ROR2: variants seen among roughly 807,000 people sequenced by gnomAD.
ROR2 encodes the protein ROR family WNT receptor 2, also known as tyrosine-protein kinase transmembrane receptor ROR2.
A neutral mutation model predicts 74.9 loss-of-function variants in ROR2; 33 were observed. The observed-to-expected ratio is 0.44, with a 90% CI of 0.33 to 0.59. The LOEUF (loss-of-function observed/expected upper bound fraction) is 0.59. ROR2 is among the 20% of genes least tolerant of loss of function. ROR2 has a pLI of 0.02. For synonymous variants in ROR2, 586 were observed against 558.7 expected, an observed-to-expected ratio of 1.05 and a Z score of -0.69; for missense variants, 1,216 against 1,313.8, an observed-to-expected ratio of 0.93 and a Z score of 1.15.
chr9:91,922,745 G>A (rs1323393524), intron 1 of ROR2, among the ~76,000 whole-genome samples: 1 of 152,010 alleles, frequency 6.6e-6, no homozygotes, highest in Admixed American at 6.6e-5. Flanking sequence ...GAGCCACCGC[G>A]CCCGACCAAG....
intron 1 of ROR2, among the ~76,000 whole-genome samples, chr9:91,875,394 T>C (rs1829927826): frequency 6.6e-6 from 1 of 152,202 alleles, no homozygotes; most frequent in South Asian, 2.1e-4. Context: ...CCCAGTGCCC[T>C]AAAGGAACTA....
intron 7 of ROR2, among the ~76,000 whole-genome samples, chr9:91,730,360 A>G (rs1167842783): frequency 6.6e-6 from 1 of 152,234 alleles, no homozygotes; most frequent in Non-Finnish European, 1.5e-5. Context: ...ACTGGGTGGT[A>G]ACATTAGGGG....
intron 1 of ROR2, among the ~76,000 whole-genome samples, chr9:91,847,237 C>G (rs1828960104): frequency 6.6e-6 from 1 of 152,128 alleles, no homozygotes; most frequent in Non-Finnish European, 1.5e-5. Flanking sequence ...AGACTTAGAA[C>G]CAGAAAGACG....
intron 1 of ROR2, among the ~76,000 whole-genome samples, chr9:91,861,526 A>G (rs1280079122): frequency 6.6e-6 from 1 of 152,242 alleles, no homozygotes; most frequent in Non-Finnish European, 1.5e-5. Flanking sequence ...CTCTTCAACA[A>G]TTGGTATTGG....
chr9:91,781,565 G>A (rs770184652), intron 1 of ROR2, among the ~76,000 whole-genome samples: 3 of 152,170 alleles, frequency 2.0e-5, no homozygotes, highest in African/African-American at 2.4e-5. Flanking sequence ...AGACTGTTTC[G>A]GGGAATGCTC....
chr9:91,839,249 GGGGTGTGTGTGT>G (rs56020686), intron 1 of ROR2, among the ~76,000 whole-genome samples: 31,927 of 132,514 alleles, frequency 0.24, 3,852 homozygotes, highest in Admixed American at 0.41. Flanking sequence ...TGTCAGATCG[GGGGTGTGTGTGT>G]GTGTGTGTGT....
intron 1 of ROR2, among the ~76,000 whole-genome samples, chr9:91,842,833 A>G (rs1404849281): frequency 1.3e-5 from 2 of 152,090 alleles, no homozygotes; most frequent in Non-Finnish European, 2.9e-5. Flanking sequence ...GTGCCACCTA[A>G]TTCTCTGCAG....
At chr9:91,907,394 A>G (rs777141600) in intron 1 of ROR2, among the ~76,000 whole-genome samples, 2 of 152,284 alleles carry the variant, frequency 1.3e-5, no homozygotes, top group Middle Eastern at 3.4e-3. Flanking sequence ...AAGGAAATGA[A>G]GCACTGCCTC....
chr9:91,723,622 G>C lies in ROR2; in HGVS notation c.*40C>G, dbSNP rs761223603. 2 of 1,608,002 alleles carry C rather than the reference G, an allele frequency of 1.2e-6. No homozygotes were observed. Among genetic ancestry groups the C allele is most frequent in the South Asian group, 2.2e-5 (2 of 90,574 alleles). ...GTGACTGAGGTCCCTGTGGGGTCTC[G>C]GCGGGGCTTCTATCCCCGAACCCCG... is the stretch of plus-strand genomic sequence containing the variant. On this transcript the variant is annotated 3_prime_UTR_variant, in exon 9 of 9. Coordinates refer to ENST00000375708, the MANE Select transcript of ROR2 (RefSeq NM_004560.4).
chr9:91,741,166 G>A (rs1420168612), intron 4 of ROR2, among the ~76,000 whole-genome samples: 2 of 152,094 alleles, frequency 1.3e-5, no homozygotes, highest in East Asian at 1.9e-4. Flanking sequence ...CGGGTGTGGT[G>A]GTGCACACCT....
At chr9:91,812,004 TTGGG>T (rs1827765867) in intron 1 of ROR2, among the ~76,000 whole-genome samples, 1 of 151,862 alleles carries the variant, frequency 6.6e-6, no homozygotes, top group African/African-American at 2.4e-5. Context: ...AAGAATTGTC[TTGGG>T]CCACACATAA....
chr9:91,849,703 G>C (rs2119249009), intron 1 of ROR2, among the ~76,000 whole-genome samples: 1 of 152,216 alleles, frequency 6.6e-6, no homozygotes, highest in African/African-American at 2.4e-5. Context: ...TCCTCTCTTT[G>C]AGTCACACTT....
At chr9:91,796,040 C>T (rs560399631) in intron 1 of ROR2, among the ~76,000 whole-genome samples, 1 of 152,242 alleles carries the variant, frequency 6.6e-6, no homozygotes, top group South Asian at 2.1e-4. Flanking sequence ...GAGGAGTTGG[C>T]GCCTGAAGAA....
chr9:91,844,885 G>C (rs539910648), intron 1 of ROR2, among the ~76,000 whole-genome samples: 1 of 152,186 alleles, frequency 6.6e-6, no homozygotes, highest in Non-Finnish European at 1.5e-5. Context: ...AAGGCGGGGC[G>C]GGGGGAAGGG....
intron 5 of ROR2, 66 bp downstream of exon 5, chr9:91,737,325 A>C (rs986204532): frequency 1.3e-6 from 2 of 1,588,200 alleles, no homozygotes; most frequent in Non-Finnish European, 1.7e-6. Flanking sequence ...CACAGTGGCC[A>C]CCATCTGTGC....
At chr9:91,946,578 T>A (rs1351773828) in intron 1 of ROR2, among the ~76,000 whole-genome samples, 1 of 152,234 alleles carries the variant, frequency 6.6e-6, no homozygotes, top group African/African-American at 2.4e-5. Context: ...TTATAAACCC[T>A]GGGAAGGAGT....
intron 1 of ROR2, among the ~76,000 whole-genome samples, chr9:91,825,658 A>C (rs1485773882): frequency 6.6e-6 from 1 of 152,154 alleles, no homozygotes; most frequent in African/African-American, 2.4e-5. Flanking sequence ...AAGTCACAGG[A>C]CTTTTGAGTC....
chr9:91,881,666 T>C (rs1830115861), intron 1 of ROR2, among the ~76,000 whole-genome samples: 1 of 152,152 alleles, frequency 6.6e-6, no homozygotes, highest in African/African-American at 2.4e-5. Flanking sequence ...GTATTAATTT[T>C]ATCATGAGGT....
intron 6 of ROR2, 118 bp from the exon 7 acceptor site, chr9:91,731,273 G>A: frequency 6.8e-7 from 1 of 1,463,530 alleles, no homozygotes; most frequent in South Asian, 1.2e-5. Context: ...TACCAGAAAA[G>A]AGGCATTAAA....
Sources: gnomAD v4.1 joint callset for allele counts (sites outside exome capture counted in the v4.1 genomes callset) on GRCh38, gnomAD v4.1.1 for gene constraint, MANE v1.5 for transcripts, NCBI Gene and HGNC (gene_info 2026-07-23, HGNC 2026-07-21) for gene names.